Variants in DOCK3 observed in about 807,000 individuals in gnomAD.
The protein encoded by DOCK3 is dedicator of cytokinesis protein 3.
Under a neutral mutation model 265.6 loss-of-function variants are expected in DOCK3, and 60 were observed. The ratio of observed to expected loss-of-function variants is 0.23; its 90% CI spans 0.18 to 0.28. The LOEUF is 0.28. Ranked by LOEUF, DOCK3 falls within the 10% of genes least tolerant of loss-of-function variation. The probability of loss-of-function intolerance (pLI) is 1.00; values close to 1 mark genes in which losing one functional copy is unlikely to be tolerated. For missense variants in DOCK3, 1,981 were observed against 2,594.3 expected (o/e 0.76, Z 5.14); for synonymous variants, 881 against 938.0 (o/e 0.94, Z 1.11).
At chr3:51,159,106 C>T in intron 10 of DOCK3, 138 bp from the exon 11 acceptor site, 1 of 649,850 alleles carries the variant, frequency 1.5e-6, no homozygotes, top group Admixed American at 2.6e-5. Context: ...ATCTTATAAA[C>T]CATTAAAGTG....
intron 22 of DOCK3, among the ~76,000 whole-genome samples, chr3:51,252,112 A>G (rs2079280388): frequency 6.6e-6 from 1 of 152,216 alleles, no homozygotes; most frequent in Non-Finnish European, 1.5e-5. Context: ...CATTTATTAA[A>G]TAGGGAATCC....
intron 2 of DOCK3, among the ~76,000 whole-genome samples, chr3:50,784,145 G>A (rs556954019): frequency 1.3e-5 from 2 of 152,278 alleles, no homozygotes; most frequent in Admixed American, 6.5e-5. Context: ...TGGGATTACA[G>A]GCATGAGCCA....
intron 5 of DOCK3, among the ~76,000 whole-genome samples, chr3:51,037,716 A>G (rs1430416796): frequency 3.9e-5 from 6 of 152,212 alleles, no homozygotes. Context: ...TTCATTAATC[A>G]AATAGTTTTT....
chr3:50,782,289 A>ATTTTTTTTTTT (rs71084112), intron 2 of DOCK3, among the ~76,000 whole-genome samples: 6 of 110,022 alleles, frequency 5.5e-5, no homozygotes, highest in East Asian at 3.1e-4. Context: ...AGTACCTGTT[A>ATTTTTTTTTTT]TTTTTTTTTT....
intron 5 of DOCK3, among the ~76,000 whole-genome samples, chr3:50,982,047 CTG>C (rs1051885727): frequency 1.2e-4 from 18 of 152,046 alleles, no homozygotes; most frequent in Non-Finnish European, 1.3e-4. Flanking sequence ...TGAGGTTTCA[CTG>C]TGTTGGCCAG....
intron 5 of DOCK3, among the ~76,000 whole-genome samples, chr3:51,029,906 C>T (rs1173050218): frequency 1.3e-5 from 2 of 152,036 alleles, no homozygotes; most frequent in Non-Finnish European, 2.9e-5. Context: ...TCAAGGTGGC[C>T]ACCTGGTTCT....
At position 51,159,247 on chromosome 3, in the gene DOCK3, C is replaced by T. The variant is rs918405142; in HGVS notation, c.832C>T (p.Leu278=). 1 of 1,613,164 alleles carries T rather than the reference C, an allele frequency of 6.2e-7. No homozygotes were observed. The highest frequency in any genetic ancestry group is 8.5e-7 in the Non-Finnish European group (1 of 1,179,412). The change falls in exon 11 of 53, where the codon CTG becomes TTG. Residue 278 remains leucine, a synonymous_variant. Coordinates refer to ENST00000266037, the MANE Select transcript of DOCK3 (RefSeq NM_004947.5). ...IERMCALFTD[L]SSKDMKRDLY... ...ATTTACTTATTTTTTCTCTTAGGAT[C>T]TGAGCAGCAAAGATATGAAGAGAGA...
intron 40 of DOCK3, among the ~76,000 whole-genome samples, chr3:51,350,939 T>C (rs1017584522): frequency 6.6e-6 from 1 of 152,188 alleles, no homozygotes; most frequent in African/African-American, 2.4e-5. Flanking sequence ...GGTTTGGCTG[T>C]AGAAAGCCTC....
At chr3:51,129,372 G>A (rs1436368263) in intron 9 of DOCK3, among the ~76,000 whole-genome samples, 2 of 152,158 alleles carry the variant, frequency 1.3e-5, no homozygotes, top group Non-Finnish European at 2.9e-5. Flanking sequence ...CTGATCCTGG[G>A]GCACTCCCCA....
At chr3:51,197,441 T>C (rs1468408035) in intron 12 of DOCK3, among the ~76,000 whole-genome samples, 1 of 152,118 alleles carries the variant, frequency 6.6e-6, no homozygotes, top group African/African-American at 2.4e-5. Flanking sequence ...GTGATGTGCG[T>C]TGATGTTGGT....
At chr3:51,142,691 A>G (rs2085118820) in intron 9 of DOCK3, among the ~76,000 whole-genome samples, 1 of 152,156 alleles carries the variant, frequency 6.6e-6, no homozygotes, top group African/African-American at 2.4e-5. Context: ...AAATATTTAT[A>G]TATAGATCTT....
intron 5 of DOCK3, among the ~76,000 whole-genome samples, chr3:50,960,704 A>G (rs1398740297): frequency 6.6e-6 from 1 of 152,052 alleles, no homozygotes. Flanking sequence ...ATGAAGTCCT[A>G]GTTTATCCAT....
At chr3:51,135,828 A>T (rs1025402706) in intron 9 of DOCK3, among the ~76,000 whole-genome samples, 1 of 151,942 alleles carries the variant, frequency 6.6e-6, no homozygotes, top group Non-Finnish European at 1.5e-5. Flanking sequence ...ATCCCACTTC[A>T]GCCTCCTGAG....
At chr3:50,806,973 T>C (rs1211564792) in intron 2 of DOCK3, among the ~76,000 whole-genome samples, 1 of 152,074 alleles carries the variant, frequency 6.6e-6, no homozygotes, top group African/African-American at 2.4e-5. Context: ...GTGGGGATCT[T>C]CTGCTTACTT....
At chr3:51,248,315 G>A (rs1348482513) in intron 22 of DOCK3, among the ~76,000 whole-genome samples, 3 of 152,256 alleles carry the variant, frequency 2.0e-5, no homozygotes. Flanking sequence ...GCCTCAGCCT[G>A]CGGAGTGCCT....
At chr3:51,350,504 A>G (rs1016422609) in intron 40 of DOCK3, 112 bp downstream of exon 40, 16 of 1,154,936 alleles carry the variant, frequency 1.4e-5, no homozygotes, top group East Asian at 2.5e-5. Context: ...TTCTTTACAG[A>G]GGATAAACCA....
At chr3:50,679,140 TA>T (rs532906217) in intron 1 of DOCK3, among the ~76,000 whole-genome samples, 1 of 152,108 alleles carries the variant, frequency 6.6e-6, no homozygotes, top group African/African-American at 2.4e-5. Context: ...AAATTTTAAT[TA>T]AAAAAAATTT....
chr3:50,763,458 T>C (rs558318292), intron 1 of DOCK3, among the ~76,000 whole-genome samples: 1 of 152,026 alleles, frequency 6.6e-6, no homozygotes, highest in East Asian at 1.9e-4. Flanking sequence ...AACTTCTGTA[T>C]TTTTAGTAGA....
intron 5 of DOCK3, among the ~76,000 whole-genome samples, chr3:51,004,017 A>T (rs1188218186): frequency 6.6e-6 from 1 of 152,168 alleles, no homozygotes; most frequent in Non-Finnish European, 1.5e-5. Context: ...GCCTCCAATT[A>T]TCCTTGTTGA....
Sources: allele counts gnomAD v4.1 joint callset (sites outside exome capture counted in the v4.1 genomes callset), GRCh38; gene constraint gnomAD v4.1.1; transcripts MANE v1.5; gene names NCBI Gene and HGNC (gene_info 2026-07-23, HGNC 2026-07-21).